Variants in LAMA1 observed in about 807,000 individuals in gnomAD.
LAMA1 encodes the protein laminin subunit alpha-1.
A neutral mutation model predicts 348.7 loss-of-function variants in LAMA1; 219 were observed. The observed-to-expected ratio is 0.63, with a 90% confidence interval of 0.56 to 0.70. LAMA1 has a LOEUF of 0.70. Among genes scored for constraint, LAMA1 ranks in the 30% least tolerant of loss-of-function variants. LAMA1 has a pLI of 0.00. For missense variants in LAMA1, 3,744 were observed against 3,888.0 expected, an observed-to-expected ratio of 0.96 and a Z score of 0.99; for synonymous variants, 1,487 against 1,491.0, an observed-to-expected ratio of 1.00 and a Z score of 0.06.
At chr18:7,054,199 C>G (rs920533168) in intron 3 of LAMA1, among the ~76,000 whole-genome samples, 4 of 152,162 alleles carry the variant, frequency 2.6e-5, no homozygotes, top group Non-Finnish European at 5.9e-5. Flanking sequence ...TATCATATAT[C>G]ACCTCCAGAA....
intron 3 of LAMA1, among the ~76,000 whole-genome samples, chr18:7,077,327 G>C (rs9950670): frequency 1.3e-5 from 2 of 150,290 alleles, no homozygotes; most frequent in Admixed American, 1.3e-4. Context: ...TCAGCCTCCC[G>C]AGTAGCTGGG....
In LAMA1 at chr18:7,056,874, AT is replaced by A. The variant is rs552074141; in HGVS notation, c.346-5939del. Among the ~76,000 whole-genome samples the A allele has an allele frequency of 9.5e-3, 1,376 of 144,110 alleles. 13 individuals are homozygous for A. The highest frequency in any genetic ancestry group is 0.025 in the African/African-American group (992 of 39,648). The allele number at this position is 144,110 out of a possible 152,430, so 94.5% of individuals were successfully genotyped here. ...TTCATTAGGATTGTTAACGCTTTGA[AT>A]TTTTTTTTTTTTTTGAGACAGTGTC... On this transcript the variant is annotated intron_variant, in intron 3 of 62. Coordinates refer to ENST00000389658, the MANE Select transcript of LAMA1 (RefSeq NM_005559.4).
chr18:7,077,979 G>A (rs1437918251), intron 3 of LAMA1, among the ~76,000 whole-genome samples: 4 of 148,918 alleles, frequency 2.7e-5, no homozygotes, highest in South Asian at 2.1e-4. Context: ...CAGGAGAATC[G>A]CGTGAACCCG....
At chr18:6,984,007 G>A (rs1363033428) in intron 39 of LAMA1, among the ~76,000 whole-genome samples, 1 of 78,776 alleles carries the variant, frequency 1.3e-5, no homozygotes, top group African/African-American at 3.4e-5. Flanking sequence ...TTAACTTTGT[G>A]TTAAATCACA....
At chr18:7,100,166 C>T (rs573259342) in intron 1 of LAMA1, among the ~76,000 whole-genome samples, 1 of 149,804 alleles carries the variant, frequency 6.7e-6, no homozygotes, top group East Asian at 2.0e-4. Context: ...AAACTCTTAA[C>T]TAAGAATATA....
At chr18:7,022,636 T>A (rs532797355) in intron 19 of LAMA1, among the ~76,000 whole-genome samples, 2 of 152,334 alleles carry the variant, frequency 1.3e-5, no homozygotes, top group South Asian at 4.1e-4. Context: ...CAGGAGAATC[T>A]AGTTTTCTCC....
chr18:7,073,266 G>T (rs60571401), intron 3 of LAMA1, among the ~76,000 whole-genome samples: 1 of 151,982 alleles, frequency 6.6e-6, no homozygotes, highest in African/African-American at 2.4e-5. Context: ...AAAAATATAC[G>T]TAACATAAAA....
At chr18:7,063,213 T>G (rs1265365071) in intron 3 of LAMA1, among the ~76,000 whole-genome samples, 1 of 152,174 alleles carries the variant, frequency 6.6e-6, no homozygotes. Flanking sequence ...AAATTTCACT[T>G]TTTATATGGA....
At chr18:6,980,831 AC>A (rs1206393585) in intron 41 of LAMA1, among the ~76,000 whole-genome samples, 194 bp from the exon 42 acceptor site, 1 of 152,198 alleles carries the variant, frequency 6.6e-6, no homozygotes, top group South Asian at 2.1e-4. Context: ...GCGATGGCTC[AC>A]GCCTGTAATC....
At chr18:6,955,802 T>C in intron 56 of LAMA1, 1 of 392,342 alleles carries the variant, frequency 2.5e-6, no homozygotes. Context: ...TGACCCGAGG[T>C]TTTGGGAATG....
intron 25 of LAMA1, 148 bp downstream of exon 25, chr18:7,011,152 G>A: frequency 1.2e-6 from 1 of 845,428 alleles, no homozygotes. Flanking sequence ...AGACTTTTAT[G>A]AGCATTAAAC....
At chr18:6,961,817 G>A (rs757933642) in intron 52 of LAMA1, 58 bp from the exon 53 acceptor site, 44 of 1,597,372 alleles carry the variant, frequency 2.8e-5, no homozygotes, top group Non-Finnish European at 3.3e-5. Flanking sequence ...CAAACCTTCC[G>A]TGGGGAGGAC....
intron 19 of LAMA1, among the ~76,000 whole-genome samples, chr18:7,020,852 C>A (rs1327377419): frequency 6.6e-6 from 1 of 152,216 alleles, no homozygotes; most frequent in African/African-American, 2.4e-5. Flanking sequence ...CTCCTCAACG[C>A]TGGCAGCAGG....
chr18:7,088,603 G>C (rs768270600), intron 1 of LAMA1, among the ~76,000 whole-genome samples: 1 of 151,924 alleles, frequency 6.6e-6, no homozygotes, highest in Non-Finnish European at 1.5e-5. Context: ...CTGCCACCTC[G>C]AACTCCCAGG....
intron 3 of LAMA1, among the ~76,000 whole-genome samples, chr18:7,057,899 G>A (rs1005594252): frequency 6.6e-6 from 1 of 151,200 alleles, no homozygotes. Context: ...GGCTCAAGCG[G>A]TTCTCCTGCC....
At chr18:6,998,341 G>C (rs2057792297) in intron 32 of LAMA1, among the ~76,000 whole-genome samples, 1 of 152,212 alleles carries the variant, frequency 6.6e-6, no homozygotes, top group South Asian at 2.1e-4. Flanking sequence ...GCAAAGGCAA[G>C]GAAGTAAGGC....
intron 61 of LAMA1, among the ~76,000 whole-genome samples, chr18:6,945,639 C>T (rs1215902432): frequency 6.6e-6 from 1 of 152,148 alleles, no homozygotes; most frequent in Non-Finnish European, 1.5e-5. Flanking sequence ...CCCTGATTCC[C>T]CATGGCCTCT....
At chr18:6,982,853 T>A (rs552974202) in intron 40 of LAMA1, among the ~76,000 whole-genome samples, 26 of 152,338 alleles carry the variant, frequency 1.7e-4, no homozygotes, top group Admixed American at 1.4e-3. Flanking sequence ...TCAAGTAGCA[T>A]CATCATTTTT....
intron 40 of LAMA1, 64 bp downstream of exon 40, chr18:6,983,035 G>A (rs1011402382): frequency 2.5e-5 from 41 of 1,609,156 alleles, no homozygotes; most frequent in Non-Finnish European, 3.1e-5. Context: ...CTGAATCTCT[G>A]CTCAAACCCG....
Sources: gnomAD v4.1 joint callset for allele counts (sites outside exome capture counted in the v4.1 genomes callset) on GRCh38, gnomAD v4.1.1 for gene constraint, MANE v1.5 for transcripts, NCBI Gene and HGNC (gene_info 2026-07-23, HGNC 2026-07-21) for gene names.